The following UNC5A variants were observed in gnomAD, a reference collection of about 807,000 sequenced individuals.
The protein encoded by UNC5A is unc-5 netrin receptor A, also known as netrin receptor UNC5A.
Under a neutral mutation model 87.4 loss-of-function variants are expected in UNC5A, and 20 were observed. That is an observed-to-expected ratio of 0.23 (90% CI 0.16 to 0.33). The LOEUF (loss-of-function observed/expected upper bound fraction) is 0.33. Ranked by LOEUF, UNC5A falls within the 10% of genes least tolerant of loss-of-function variation. The pLI, the probability that UNC5A is intolerant of heterozygous loss-of-function variation, is 1.00. For missense variants in UNC5A, 844 were observed against 1,133.4 expected (o/e 0.74, Z 3.67); for synonymous variants, 438 against 482.3 (o/e 0.91, Z 1.20).
chr5:176,822,855 C>T (rs1026696348), intron 1 of UNC5A, among the ~76,000 whole-genome samples: 3 of 152,154 alleles, frequency 2.0e-5, no homozygotes, highest in African/African-American at 4.8e-5. Flanking sequence ...ACAGGGCAGC[C>T]GGGAGGCGTG....
At chr5:176,820,399 A>G (rs1296072138) in intron 1 of UNC5A, among the ~76,000 whole-genome samples, 1 of 152,176 alleles carries the variant, frequency 6.6e-6, no homozygotes, top group Non-Finnish European at 1.5e-5. Flanking sequence ...TCCGTCTCAA[A>G]AAAAAAAGAA....
Position 176,830,895 on chromosome 5 carries a change from GGCGT to G in UNC5A, c.70+20077_70+20080del, listed in dbSNP as rs1265878917. On this transcript the variant is annotated intron_variant, in intron 1 of 14. Transcript: ENST00000329542. Reference sequence around the variant, plus strand: ...TGGTGTGTGTGTGGGTGTATGTGCTGGCGTGTGTGTATGTGCCGGCGTGTGTGTG... The same window carrying G: ...TGGTGTGTGTGTGGGTGTATGTGCTGGTGTGTATGTGCCGGCGTGTGTGTG... Among the ~76,000 whole-genome samples, 9 of 36,454 alleles carry G rather than the reference GGCGT, an allele frequency of 2.5e-4. No individual in the cohort carries two copies. In the South Asian group the frequency reaches 0.011, roughly 45 times the overall value. 23.9% of individuals were successfully genotyped at this position (36,454 alleles called of 152,430 possible). A position where few individuals can be genotyped will look rare whatever the true frequency, so the allele number is the denominator to read the frequency against.
At chr5:176,849,419 T>C (rs561988264) in intron 1 of UNC5A, among the ~76,000 whole-genome samples, 3 of 152,248 alleles carry the variant, frequency 2.0e-5, no homozygotes, top group African/African-American at 7.2e-5. Context: ...ACCCCGTCTC[T>C]ACTAAAAATA....
In UNC5A at chr5:176,874,560, A is replaced by G. The variant is rs148276793; in HGVS notation, c.1372A>G (p.Asn458Asp). ...CCTCGGGGGCCGGCTGATGATCCCT[A>G]ATACAGGTAGGAAGGACCCCAGGGG... is the stretch of plus-strand genomic sequence containing the variant. ...NFLGGRLMIP[N>D]TGISLLIPPD... Residue 458 changes from asparagine to aspartate, a missense_variant, in exon 8 of 15, where the codon AAT becomes GAT. This residue lies in a region of UNC5A where 353 missense variants were observed against 387.5 expected (regional missense o/e 0.91). Transcript: ENST00000329542. This position sits in a 1 kb window ranked among gnomAD's most constrained non-coding sequence, Gnocchi z 7.6. 1.0e-5 allele frequency: 16 copies of G among 1,550,412 alleles called. No homozygotes were observed. Among genetic ancestry groups the G allele is most frequent in the African/African-American group, 1.4e-5 (1 of 73,646 alleles).
intron 1 of UNC5A, among the ~76,000 whole-genome samples, chr5:176,823,677 A>AG (rs1320755935): frequency 1.3e-5 from 2 of 150,846 alleles, no homozygotes; most frequent in Non-Finnish European, 2.9e-5. Flanking sequence ...GAGCCTCCAC[A>AG]GGGGGGCTCT....
At chr5:176,837,872 C>A (rs1324459713) in intron 1 of UNC5A, among the ~76,000 whole-genome samples, 1 of 152,082 alleles carries the variant, frequency 6.6e-6, no homozygotes, top group Non-Finnish European at 1.5e-5. Flanking sequence ...CAGAGGCTGT[C>A]CCTCTGCGGA....
chr5:176,823,576 A>T (rs1756781321), intron 1 of UNC5A, among the ~76,000 whole-genome samples: 1 of 151,976 alleles, frequency 6.6e-6, no homozygotes, highest in South Asian at 2.1e-4. Context: ...GTGAAGCCCT[A>T]CGGGGTAGGT....
chr5:176,877,926 C>T lies in UNC5A; in HGVS notation c.1668C>T (p.Ser556=), dbSNP rs1317117519. The change falls in exon 11 of 15, where the codon TCC becomes TCT. Residue 556 remains serine (S), a synonymous_variant. Coordinates refer to ENST00000329542, the MANE Select transcript of UNC5A (RefSeq NM_133369.3). ...DVLHLGEEAP[S]HLYYCQLEAS... ...TGCACCTGGGCGAGGAGGCGCCCTC[C>T]CACCTCTACTACTGCCAGCTGGAGG... 6.2e-7 allele frequency: 1 copy of T among 1,603,106 alleles called. No individual in the cohort carries two copies. Among genetic ancestry groups the T allele is most frequent in the Non-Finnish European group, 8.5e-7 (1 of 1,179,660 alleles).
At chr5:176,872,976 C>A (rs13182582) in intron 6 of UNC5A, among the ~76,000 whole-genome samples, 1 of 49,986 alleles carries the variant, frequency 2.0e-5, no homozygotes, top group African/African-American at 5.7e-5. Context: ...CCACAGCTTC[C>A]CATCTGCCCA....
Position 176,868,894 on chromosome 5 carries a change from C to T in UNC5A, c.651C>T (p.Ala217=). The stretch of plus-strand genomic sequence containing the variant: ...GACAGGCCCGCCTTGCTGACACGGC[C>T]AACTACACCTGCGTGGCCAAGAACA... ...VVRQARLADT[A]NYTCVAKNIV... Residue 217 remains alanine, a synonymous_variant, in exon 5 of 15, where the codon GCC becomes GCT. Coordinates refer to ENST00000329542, the MANE Select transcript of UNC5A (RefSeq NM_133369.3). The T allele has an allele frequency of 1.2e-6, 2 of 1,612,850 alleles. No homozygotes were observed. Among genetic ancestry groups the T allele is most frequent in the Non-Finnish European group, 1.7e-6 (2 of 1,179,874 alleles).
At chr5:176,855,964 T>G (rs1417878802) in intron 1 of UNC5A, among the ~76,000 whole-genome samples, 1 of 152,086 alleles carries the variant, frequency 6.6e-6, no homozygotes, top group Non-Finnish European at 1.5e-5. Context: ...CGCCGTGTGG[T>G]CTGCAGGGCG....
intron 1 of UNC5A, among the ~76,000 whole-genome samples, chr5:176,858,496 A>C (rs1262153926): frequency 6.6e-6 from 1 of 152,064 alleles, no homozygotes; most frequent in Non-Finnish European, 1.5e-5. Context: ...ATGTCAGTCA[A>C]AGGCACTTGG....
At chr5:176,861,609 G>A (rs1369729638) in intron 1 of UNC5A, among the ~76,000 whole-genome samples, 1 of 152,210 alleles carries the variant, frequency 6.6e-6, no homozygotes, top group East Asian at 1.9e-4. Context: ...CACCCGTGGG[G>A]AGGGTGGAGG....
At chr5:176,856,234 C>T (rs1027244889) in intron 1 of UNC5A, among the ~76,000 whole-genome samples, 5 of 152,210 alleles carry the variant, frequency 3.3e-5, no homozygotes, top group Non-Finnish European at 5.9e-5. Context: ...CTCAGAGTTC[C>T]GGGCGAGTCT....
At position 176,866,823 on chromosome 5, in the gene UNC5A, C is replaced by T. The variant is rs1281607596; in HGVS notation, c.293-1307C>T. On this transcript the variant is annotated intron_variant, in intron 2 of 14. Coordinates refer to ENST00000329542, the MANE Select transcript of UNC5A (RefSeq NM_133369.3). The surrounding 1 kb of genome is among the most constrained non-coding windows in gnomAD (Gnocchi z 5.0). ...TGTCCACACTGGGTGTCTTAGAGAA[C>T]GGGGCAGGTGGTGCCCAGAACGGAG... 2.6e-5 allele frequency among the ~76,000 whole-genome samples: 4 copies of T among 152,146 alleles called. No individual in the cohort carries two copies. The highest frequency in any genetic ancestry group is 6.5e-5 in the Admixed American group (1 of 15,288).
At chr5:176,839,300 A>G (rs1757212982) in intron 1 of UNC5A, among the ~76,000 whole-genome samples, 1 of 152,282 alleles carries the variant, frequency 6.6e-6, no homozygotes, top group Non-Finnish European at 1.5e-5. Flanking sequence ...AAGGCCACTC[A>G]GCCATGAGCA....
intron 1 of UNC5A, among the ~76,000 whole-genome samples, chr5:176,814,377 G>A (rs535277405): frequency 6.6e-6 from 1 of 152,164 alleles, no homozygotes; most frequent in Non-Finnish European, 1.5e-5. Context: ...TGCTGGTGGG[G>A]TGGGCACCCC....
chr5:176,875,467 G>GC lies in UNC5A; in HGVS notation c.1378+907dup, dbSNP rs149124255. On this transcript the variant is annotated intron_variant, in intron 8 of 14. Transcript: ENST00000329542. This position sits in a 1 kb window ranked among gnomAD's most constrained non-coding sequence, Gnocchi z 5.2. ...CTTGACCTGCTGCTCGTCCTCTCTT[G>GC]CCCCCCGCCAGCTTCAGTCCCACGC... Among the ~76,000 whole-genome samples the GC allele has an allele frequency of 0.025, 3,822 of 151,664 alleles. 165 individuals are homozygous for GC. The highest frequency in any genetic ancestry group is 0.086 in the African/African-American group (3,536 of 41,300).
Position 176,874,462 on chromosome 5 carries a change from G to A in UNC5A, c.1274G>A (p.Arg425His), listed in dbSNP as rs146409898. Residue 425 changes from arginine to histidine, a missense_variant, in exon 8 of 15, where the codon CGC becomes CAC. By Grantham distance (29) the Arg-to-His change is conservative (BLOSUM62 0). This residue lies in a region of UNC5A where 353 missense variants were observed against 387.5 expected (regional missense o/e 0.91). Coordinates refer to ENST00000329542, the MANE Select transcript of UNC5A (RefSeq NM_133369.3). The surrounding 1 kb of genome is among the most constrained non-coding windows in gnomAD (Gnocchi z 7.6). ...PTSEAEEFVS[R>H]LSTQNYFRSL... is the part of the protein sequence containing the mutation. ...TCTGAGGCCGAGGAGTTCGTCTCCCGCCTCTCCACCCAGAACTACTTCCGC... is the reference window on the plus strand; with the variant it reads ...TCTGAGGCCGAGGAGTTCGTCTCCCACCTCTCCACCCAGAACTACTTCCGC... The A allele has an allele frequency of 1.5e-4, 237 of 1,613,104 alleles. No homozygotes were observed. The highest frequency in any genetic ancestry group is 3.3e-4 in the Middle Eastern group (2 of 6,076).
Sources: allele counts gnomAD v4.1 joint callset (sites outside exome capture counted in the v4.1 genomes callset), GRCh38; gene constraint gnomAD v4.1.1; regional missense constraint gnomAD v4.1.1; non-coding constraint Gnocchi (gnomAD v3.1); transcripts MANE v1.5; gene names NCBI Gene and HGNC (gene_info 2026-07-23, HGNC 2026-07-21).